The following TG variants were observed in gnomAD, a reference collection of about 807,000 sequenced individuals.
TG encodes the protein thyroglobulin, also known as thyroid hormones.
TG carries 270 observed loss-of-function variants against 324.7 expected under a neutral mutation model. That is an observed-to-expected ratio of 0.83 (90% CI 0.75 to 0.92). TG has a LOEUF of 0.92. Ranked by LOEUF, TG falls within the 40% of genes least tolerant of loss-of-function variation. The pLI is 0.00. For missense variants in TG, 3,591 were observed against 3,456.4 expected (o/e 1.04, Z -0.98); for synonymous variants, 1,401 against 1,327.0 (o/e 1.06, Z -1.21).
In TG at chr8:133,042,082, C is replaced by T. The variant is rs551572935; in HGVS notation, c.7239+12059C>T. On this transcript the variant is annotated intron_variant, in intron 41 of 47. Transcript: ENST00000220616. ...GATTACAGGTGTGAGCCACCACACC[C>T]GGCTGTCAGTGTTTTTATACCCATT... 7.9e-4 allele frequency among the ~76,000 whole-genome samples: 120 copies of T among 152,088 alleles called. 1 individual carries two copies. Among genetic ancestry groups the T allele is most frequent in the African/African-American group, 2.7e-3 (111 of 41,472 alleles).
intron 30 of TG, 144 bp from the exon 31 acceptor site, chr8:132,967,650 C>G: frequency 1.1e-6 from 1 of 917,908 alleles, no homozygotes; most frequent in Non-Finnish European, 1.7e-6. Context: ...GCCTTCCAGA[C>G]TGGATGATCA....
At chr8:132,927,225 T>A (rs1467659800) in intron 22 of TG, among the ~76,000 whole-genome samples, 1 of 152,110 alleles carries the variant, frequency 6.6e-6, no homozygotes, top group Non-Finnish European at 1.5e-5. Context: ...GTTGTGATGA[T>A]GTTGTTAGTC....
At chr8:133,095,952 C>T (rs1484799227) in intron 42 of TG, among the ~76,000 whole-genome samples, 2 of 152,298 alleles carry the variant, frequency 1.3e-5, no homozygotes, top group Middle Eastern at 3.4e-3. Context: ...GCTTTCCCAT[C>T]CCTACCTGGG....
chr8:132,973,452 G>T (rs1178143473), intron 34 of TG, among the ~76,000 whole-genome samples: 1 of 152,170 alleles, frequency 6.6e-6, no homozygotes, highest in Non-Finnish European at 1.5e-5. Context: ...AGCTCAATTT[G>T]AAATTGATGA....
intron 41 of TG, among the ~76,000 whole-genome samples, chr8:133,065,218 G>A (rs529519683): frequency 2.0e-5 from 3 of 152,246 alleles, no homozygotes; most frequent in Non-Finnish European, 4.4e-5. Flanking sequence ...CCTCTGCCAG[G>A]CACAAAGCTA....
intron 35 of TG, among the ~76,000 whole-genome samples, chr8:132,999,817 C>G (rs1280810657): frequency 6.6e-6 from 1 of 152,196 alleles, no homozygotes; most frequent in African/African-American, 2.4e-5. Flanking sequence ...CAGAAGGTCA[C>G]TGATCCTTGT....
In TG at chr8:132,898,824, A is replaced by G; in HGVS notation, c.3244A>G (p.Thr1082Ala). 1 of 1,614,130 alleles carries G rather than the reference A, an allele frequency of 6.2e-7. No individual in the cohort carries two copies. ...QCPTTCEKSR[T>A]SGLLSSWKQA... ...CCCGACAACCTGCGAGAAATCTCGA[A>G]CCAGTGGGCTGCTTTCCAGTTGGAA... Residue 1082 changes from threonine to alanine, a missense_variant, in exon 14 of 48, where the codon ACC (threonine) becomes GCC (alanine). By Grantham distance (58) the Thr-to-Ala change is moderately conservative. Transcript: ENST00000220616.
intron 20 of TG, among the ~76,000 whole-genome samples, chr8:132,916,833 C>G (rs1326077486): frequency 6.6e-6 from 1 of 152,174 alleles, no homozygotes; most frequent in African/African-American, 2.4e-5. Context: ...CTATATTTTT[C>G]ATATTCCATT....
chr8:132,871,682 G>C, intron 4 of TG, 131 bp downstream of exon 4: 1 of 816,444 alleles, frequency 1.2e-6, no homozygotes, highest in Non-Finnish European at 1.9e-6. Flanking sequence ...GAAAATGAAA[G>C]CTTCAAAGGG....
At chr8:133,009,109 C>A (rs774937499) in intron 35 of TG, among the ~76,000 whole-genome samples, 3 of 152,212 alleles carry the variant, frequency 2.0e-5, no homozygotes, top group Non-Finnish European at 2.9e-5. Context: ...ATGAAATTCA[C>A]TCTTTAATTA....
chr8:132,947,487 A>G (rs928158579), intron 26 of TG, among the ~76,000 whole-genome samples: 7 of 152,204 alleles, frequency 4.6e-5, no homozygotes, highest in Non-Finnish European at 8.8e-5. Flanking sequence ...AGAAAAGGAC[A>G]CAATGTGAAA....
intron 29 of TG, 148 bp from the exon 30 acceptor site, chr8:132,966,412 G>C: frequency 9.6e-7 from 1 of 1,039,332 alleles, no homozygotes; most frequent in Non-Finnish European, 1.4e-6. Flanking sequence ...GTTTCACACA[G>C]CATAAAAATG....
chr8:132,950,751 A>G (rs1825993820), intron 27 of TG, among the ~76,000 whole-genome samples: 1 of 152,232 alleles, frequency 6.6e-6, no homozygotes, highest in Non-Finnish European at 1.5e-5. Context: ...CTATATAATG[A>G]CAGTAATACC....
chr8:133,052,949 A>C (rs1323527858), intron 41 of TG, among the ~76,000 whole-genome samples: 1 of 152,118 alleles, frequency 6.6e-6, no homozygotes, highest in Non-Finnish European at 1.5e-5. Context: ...CAAGATGGAA[A>C]TCTATCTTCC....
chr8:132,943,424 C>T (rs532493079), intron 26 of TG, among the ~76,000 whole-genome samples: 2 of 152,126 alleles, frequency 1.3e-5, no homozygotes, highest in Non-Finnish European at 2.9e-5. Context: ...GTACTATCTG[C>T]AGAATCATGA....
Position 132,887,129 on chromosome 8 carries a change from C to T in TG, c.1757C>T (p.Ser586Phe). ...CTTCTCTTCTTGCAACATGCTATCT[C>T]TGTGCCAGAAGATGTGGCAAGAGAT... ...EFLLFLQHAI[S>F]VPEDVARDLG... The change falls in exon 9 of 48, where the codon TCT becomes TTT. Residue 586 changes from serine to phenylalanine, a missense_variant. By Grantham distance (155) the Ser-to-Phe change is radical (BLOSUM62 -2). Coordinates refer to ENST00000220616, the MANE Select transcript of TG (RefSeq NM_003235.5). 6.2e-7 allele frequency: 1 copy of T among 1,614,234 alleles called. No individual in the cohort carries two copies. The highest frequency in any genetic ancestry group is 8.5e-7 in the Non-Finnish European group (1 of 1,180,046).
At chr8:132,970,915 G>A (rs191010334) in intron 32 of TG, among the ~76,000 whole-genome samples, 172 of 152,274 alleles carry the variant, frequency 1.1e-3, no homozygotes, top group Admixed American at 6.9e-3. Context: ...GGGCACAGAT[G>A]CTGCCAACAT....
Position 133,025,254 on chromosome 8 carries a change from A to G in TG, c.7036+3104A>G, listed in dbSNP as rs540675630. Among the ~76,000 whole-genome samples, 10 of 152,366 alleles carry G rather than the reference A, an allele frequency of 6.6e-5. No homozygotes were observed. The East Asian group carries it at 1.9e-3, about 29-fold the overall frequency. On this transcript the variant is annotated intron_variant, in intron 40 of 47. Coordinates refer to ENST00000220616, the MANE Select transcript of TG (RefSeq NM_003235.5). ...GAGCTATCTCCCGCCTGCCTCAGGC[A>G]AGCTCAGAGACAGGACTGAGCCTGG...
At position 133,019,585 on chromosome 8, in the gene TG, C is replaced by T. The variant is rs1195538310; in HGVS notation, c.6783-17C>T. 1 of 1,611,466 alleles carries T rather than the reference C, an allele frequency of 6.2e-7. No individual in the cohort carries two copies. Among genetic ancestry groups the T allele is most frequent in the Non-Finnish European group, 8.5e-7 (1 of 1,178,188 alleles). On this transcript the variant is annotated splice_polypyrimidine_tract_variant and intron_variant, in intron 38 of 47. Transcript: ENST00000220616. ...TGATGGAGCATGTCTTGGAAGTCACCCAGTCTGTATCTGCAGGGCCAGCTG... is the reference window on the plus strand; with the variant it reads ...TGATGGAGCATGTCTTGGAAGTCACTCAGTCTGTATCTGCAGGGCCAGCTG...
Sources: gnomAD v4.1 joint callset for allele counts (sites outside exome capture counted in the v4.1 genomes callset) on GRCh38, gnomAD v4.1.1 for gene constraint, MANE v1.5 for transcripts, NCBI Gene and HGNC (gene_info 2026-07-23, HGNC 2026-07-21) for gene names.